Variants in LIMS1 observed in about 807,000 individuals in gnomAD.
LIMS1 encodes the protein LIM and senescent cell antigen-like-containing domain protein 1.
Under a neutral mutation model 44.1 loss-of-function variants are expected in LIMS1, and 18 were observed. The observed-to-expected ratio is 0.41, with a 90% CI of 0.28 to 0.61. The LOEUF (loss-of-function observed/expected upper bound fraction) is 0.61. Among genes scored for constraint, LIMS1 ranks in the 20% least tolerant of loss-of-function variants. LIMS1 has a pLI of 0.32. For missense variants in LIMS1, 201 were observed against 422.0 expected (o/e 0.48, Z 4.59); for synonymous variants, 93 against 149.1 (o/e 0.62, Z 2.74).
At chr2:108,627,476 G>T in intron 1 of LIMS1, among the ~76,000 whole-genome samples, 1 of 136,264 alleles carries the variant, frequency 7.3e-6, no homozygotes. Flanking sequence ...GAATCAATCT[G>T]TAATTTTGTT....
rs2019665 is a variant in LIMS1 at position 108,678,249 on chromosome 2, C to T, written c.823+222C>T. Among the ~76,000 whole-genome samples, 60 of 152,340 alleles carry T rather than the reference C, an allele frequency of 3.9e-4. 1 individual carries two copies. Among genetic ancestry groups the T allele is most frequent in the East Asian group, 9.6e-4 (5 of 5,182 alleles). ...ATGACACTACTTTCGGCCACTGCTGCAGTGTTGTATGCCAGCAATCATGGG... is the reference window on the plus strand; with the variant it reads ...ATGACACTACTTTCGGCCACTGCTGTAGTGTTGTATGCCAGCAATCATGGG... On this transcript the variant is annotated intron_variant, in intron 8 of 9. Coordinates refer to ENST00000544547, the Ensembl canonical transcript of LIMS1.
At chr2:108,607,286 C>A in intron 1 of LIMS1, 1 of 1,547,032 alleles carries the variant, frequency 6.5e-7, no homozygotes, top group South Asian at 1.2e-5. Flanking sequence ...TTGAGCTGTT[C>A]CCCCTCCAAA....
chr2:108,611,856 C>T (rs796287995), intron 1 of LIMS1, among the ~76,000 whole-genome samples: 52 of 68,480 alleles, frequency 7.6e-4, no homozygotes, highest in East Asian at 4.5e-3. Context: ...TATATATATA[C>T]ACACATATAT....
chr2:108,668,209 C>A (rs1691923617), intron 2 of LIMS1, among the ~76,000 whole-genome samples: 1 of 152,192 alleles, frequency 6.6e-6, no homozygotes, highest in South Asian at 2.1e-4. Flanking sequence ...TAAGAACATT[C>A]AAAATATCCC....
intron 1 of LIMS1, among the ~76,000 whole-genome samples, chr2:108,586,149 G>GC (rs2104668376): frequency 6.6e-6 from 1 of 152,070 alleles, no homozygotes; most frequent in Non-Finnish European, 1.5e-5. Context: ...CTGAGATTGC[G>GC]CCACTGCACT....
rs752884460 is a variant in LIMS1, at chr2:108,683,869, A to C, written c.900-16A>C. The C allele has an allele frequency of 9.6e-6, 13 of 1,355,522 alleles. No individual in the cohort carries two copies. The highest frequency in any genetic ancestry group is 1.3e-5 in the Non-Finnish European group (13 of 979,912). The allele number at this position is 1,355,522 out of a possible 1,614,324, so 84.0% of individuals were successfully genotyped here. A position where few individuals can be genotyped will look rare whatever the true frequency, so the allele number is the denominator to read the frequency against. On this transcript the variant is annotated splice_polypyrimidine_tract_variant and intron_variant, in intron 9 of 9. Coordinates refer to ENST00000544547, the Ensembl canonical transcript of LIMS1. ...TTTCCACTAACTTCTTTTTTTTTATAATTTTTTGTCTTTAGGAATAAGTTT... is the reference window on the plus strand; with the variant it reads ...TTTCCACTAACTTCTTTTTTTTTATCATTTTTTGTCTTTAGGAATAAGTTT...
At chr2:108,639,863 A>G (rs532647060) in intron 1 of LIMS1, among the ~76,000 whole-genome samples, 6 of 152,334 alleles carry the variant, frequency 3.9e-5, no homozygotes, top group East Asian at 1.9e-4. Flanking sequence ...GCAATAAGCT[A>G]TATTGCTGTT....
intron 1 of LIMS1, among the ~76,000 whole-genome samples, chr2:108,535,789 CT>C (rs1441074627): frequency 6.6e-6 from 1 of 152,146 alleles, no homozygotes; most frequent in Non-Finnish European, 1.5e-5. Context: ...GACAGACTCA[CT>C]TTGTTCAGTT....
chr2:108,592,582 G>A (rs1686463987), intron 1 of LIMS1, among the ~76,000 whole-genome samples: 1 of 152,094 alleles, frequency 6.6e-6, no homozygotes, highest in African/African-American at 2.4e-5. Flanking sequence ...CAAGTTCTTC[G>A]GGTTCAGCTG....
chr2:108,594,510 C>T (rs976461684), intron 1 of LIMS1, among the ~76,000 whole-genome samples: 3 of 151,954 alleles, frequency 2.0e-5, no homozygotes, highest in Admixed American at 6.6e-5. Context: ...GTTGGCTGGC[C>T]GACAGGAGAT....
chr2:108,569,597 T>G (rs1053059282), intron 1 of LIMS1, among the ~76,000 whole-genome samples: 1 of 152,138 alleles, frequency 6.6e-6, no homozygotes, highest in Admixed American at 6.6e-5. Context: ...GCTGAGGTTT[T>G]TGTTGTTTGT....
intron 1 of LIMS1, among the ~76,000 whole-genome samples, chr2:108,650,990 A>G (rs1322979457): frequency 6.6e-6 from 1 of 152,096 alleles, no homozygotes; most frequent in Non-Finnish European, 1.5e-5. Flanking sequence ...TCCAGGAATG[A>G]TGTAAAGCCA....
chr2:108,549,192 G>C (rs898159889), intron 1 of LIMS1, among the ~76,000 whole-genome samples: 14 of 149,878 alleles, frequency 9.3e-5, no homozygotes, highest in African/African-American at 3.4e-4. Flanking sequence ...TATATTTGTG[G>C]GTAGTTGCTA....
chr2:108,620,551 A>C (rs950380830), intron 1 of LIMS1, among the ~76,000 whole-genome samples: 10 of 152,136 alleles, frequency 6.6e-5, no homozygotes, highest in Non-Finnish European at 1.5e-5. Context: ...AACCTTCCTA[A>C]CATTGTCACT....
At chr2:108,551,489 G>GCA (rs758535653) in intron 1 of LIMS1, among the ~76,000 whole-genome samples, 4,103 of 111,706 alleles carry the variant, frequency 0.037, 67 homozygotes, top group Non-Finnish European at 0.043. Flanking sequence ...ATGCGCGCGC[G>GCA]CGCACACACA....
chr2:108,578,207 C>G (rs1483834015), intron 1 of LIMS1, among the ~76,000 whole-genome samples: 2 of 152,146 alleles, frequency 1.3e-5, no homozygotes, highest in African/African-American at 4.8e-5. Flanking sequence ...CCGCGCCCAG[C>G]CTGTATGTTT....
At chr2:108,556,480 G>A (rs1026464932) in intron 1 of LIMS1, among the ~76,000 whole-genome samples, 15 of 152,214 alleles carry the variant, frequency 9.9e-5, no homozygotes, top group African/African-American at 3.6e-4. Context: ...ATACCTAGGA[G>A]TGGAGTTGCT....
chr2:108,559,790 TG>T lies in LIMS1; in HGVS notation c.32+25197del, dbSNP rs1173976206. On this transcript the variant is annotated intron_variant, in intron 1 of 9. Coordinates refer to ENST00000544547, the Ensembl canonical transcript of LIMS1. ...TCCTTTCATAATATTTTTAGTGAGT[TG>T]ATCAACATTTAAACTGGCAAACAAT... Among the ~76,000 whole-genome samples the T allele has an allele frequency of 2.0e-5, 3 of 152,192 alleles. No homozygotes were observed. The East Asian group carries it at 5.8e-4, about 29-fold the overall frequency.
intron 1 of LIMS1, among the ~76,000 whole-genome samples, chr2:108,652,379 A>G (rs903124960): frequency 1.1e-4 from 17 of 152,158 alleles, no homozygotes; most frequent in Admixed American, 5.9e-4. Context: ...AGCAAACTGG[A>G]CATGTGGAGC....
Sources: gnomAD v4.1 joint callset for allele counts (sites outside exome capture counted in the v4.1 genomes callset) on GRCh38, gnomAD v4.1.1 for gene constraint, MANE v1.5 for transcripts, NCBI Gene and HGNC (gene_info 2026-07-23, HGNC 2026-07-21) for gene names.